Variants in FAM3C observed in about 807,000 individuals in gnomAD.
FAM3C encodes FAM3 metabolism regulating signaling molecule C.
In FAM3C, 15 loss-of-function variants were observed where a neutral mutation model predicts 32.5. The ratio of observed to expected loss-of-function variants is 0.46; its 90% confidence interval spans 0.31 to 0.71. FAM3C has a LOEUF of 0.71. FAM3C is among the 30% of genes least tolerant of loss of function. The pLI, the probability that FAM3C is intolerant of heterozygous loss-of-function variation, is 0.05. For missense variants in FAM3C, 175 were observed against 274.4 expected (o/e 0.64, Z 2.56); for synonymous variants, 75 against 86.1 (o/e 0.87, Z 0.72).
chr7:121,372,747 T>A, intron 3 of FAM3C, among the ~76,000 whole-genome samples: 1 of 152,174 alleles, frequency 6.6e-6, no homozygotes, highest in East Asian at 1.9e-4. Context: ...TAACATCTGA[T>A]CCCAGCCCAG....
chr7:121,367,318 G>T (rs1302587611), intron 5 of FAM3C, among the ~76,000 whole-genome samples: 1 of 152,132 alleles, frequency 6.6e-6, no homozygotes. Context: ...CTCTTAAGAT[G>T]GTTAGTTTAA....
At chr7:121,375,141 T>C (rs1389383201) in intron 3 of FAM3C, among the ~76,000 whole-genome samples, 2 of 151,968 alleles carry the variant, frequency 1.3e-5, no homozygotes, top group African/African-American at 4.8e-5. Flanking sequence ...TTAAAATCAG[T>C]GCCAAATTGA....
intron 8 of FAM3C, among the ~76,000 whole-genome samples, chr7:121,351,777 C>T (rs1373997905): frequency 1.3e-5 from 2 of 152,082 alleles, no homozygotes; most frequent in Non-Finnish European, 2.9e-5. Flanking sequence ...ATAAATTGTA[C>T]TTCAGTGATA....
At chr7:121,394,975 G>A (rs2896303) in intron 1 of FAM3C, among the ~76,000 whole-genome samples, 2,489 of 152,248 alleles carry the variant, frequency 0.016, 77 homozygotes, top group African/African-American at 0.057. Flanking sequence ...AGTCCAAGGG[G>A]TCGGGGCCTC....
At chr7:121,376,868 G>T (rs1466819249) in intron 3 of FAM3C, among the ~76,000 whole-genome samples, 1 of 151,974 alleles carries the variant, frequency 6.6e-6, no homozygotes, top group Non-Finnish European at 1.5e-5. Flanking sequence ...AGAATCTCAG[G>T]CCCCACTCCA....
At chr7:121,354,488 A>G (rs1045263820) in intron 8 of FAM3C, among the ~76,000 whole-genome samples, 1 of 152,214 alleles carries the variant, frequency 6.6e-6, no homozygotes, top group Non-Finnish European at 1.5e-5. Flanking sequence ...GGAACTGGAC[A>G]CAGGAATCTG....
intron 5 of FAM3C, among the ~76,000 whole-genome samples, chr7:121,368,875 C>T (rs1342533185): frequency 6.6e-6 from 1 of 151,866 alleles, no homozygotes; most frequent in Non-Finnish European, 1.5e-5. Flanking sequence ...AAAAGTTAGA[C>T]ACCTCTTTCC....
chr7:121,362,120 T>C (rs1043765824), intron 7 of FAM3C, among the ~76,000 whole-genome samples: 4 of 152,184 alleles, frequency 2.6e-5, no homozygotes, highest in Non-Finnish European at 5.9e-5. Context: ...GAGATCCTCA[T>C]ACTGATCAAT....
At chr7:121,363,667 G>GA (rs762364696) in intron 6 of FAM3C, among the ~76,000 whole-genome samples, 2 of 152,224 alleles carry the variant, frequency 1.3e-5, no homozygotes, top group East Asian at 3.9e-4. Flanking sequence ...GATTTTGAAG[G>GA]AAAATTTGAG....
intron 5 of FAM3C, among the ~76,000 whole-genome samples, chr7:121,366,349 G>A (rs982722432): frequency 2.6e-5 from 4 of 152,022 alleles, no homozygotes; most frequent in Non-Finnish European, 5.9e-5. Context: ...ATGGAATATC[G>A]TTCAGACATA....
intron 1 of FAM3C, among the ~76,000 whole-genome samples, chr7:121,386,437 C>G (rs1794465164): frequency 6.6e-6 from 1 of 151,890 alleles, no homozygotes; most frequent in African/African-American, 2.4e-5. Context: ...TGAGACAATG[C>G]CTTCAGACTC....
intron 4 of FAM3C, 66 bp downstream of exon 4, chr7:121,372,044 A>T: frequency 5.1e-6 from 6 of 1,185,342 alleles, no homozygotes; most frequent in Non-Finnish European, 7.3e-6. Flanking sequence ...TGACACTTTG[A>T]ATATAAGCTC....
chr7:121,351,297 A>AT (rs1365997151), intron 8 of FAM3C, 28 bp from the exon 9 acceptor site: 1 of 1,607,044 alleles, frequency 6.2e-7, no homozygotes, highest in South Asian at 1.1e-5. Flanking sequence ...AGAATACAAC[A>AT]ATAAACAGAG....
At chr7:121,379,337 T>C (rs535254295) in intron 2 of FAM3C, among the ~76,000 whole-genome samples, 2 of 152,080 alleles carry the variant, frequency 1.3e-5, no homozygotes, top group East Asian at 3.9e-4. Context: ...CCACCAAGTT[T>C]GTTGAATGGC....
intron 5 of FAM3C, among the ~76,000 whole-genome samples, chr7:121,369,703 A>G (rs1021198465): frequency 6.6e-6 from 1 of 152,208 alleles, no homozygotes; most frequent in Non-Finnish European, 1.5e-5. Flanking sequence ...TGAGGGATAG[A>G]GAACAGCTTC....
At chr7:121,388,663 G>A (rs1407640506) in intron 1 of FAM3C, among the ~76,000 whole-genome samples, 2 of 152,068 alleles carry the variant, frequency 1.3e-5, no homozygotes, top group Non-Finnish European at 2.9e-5. Context: ...TCTATGCCTA[G>A]ATTTTTGACA....
Position 121,393,147 on chromosome 7 carries a change from T to C in FAM3C, c.-42+3015A>G, listed in dbSNP as rs143714008. On this transcript the variant is annotated intron_variant, in intron 1 of 9. Coordinates refer to ENST00000359943, the MANE Select transcript of FAM3C (RefSeq NM_014888.3). The stretch of plus-strand genomic sequence containing the variant: ...ACGGTTCATAACATCATGAACGTGC[T>C]AAATGCCACACTTTAAAATGGAAAA... Among the ~76,000 whole-genome samples the C allele has an allele frequency of 7.3e-3, 1,119 of 152,272 alleles. 15 individuals are homozygous for C. The highest frequency in any genetic ancestry group is 0.025 in the African/African-American group (1,054 of 41,542).
rs550816569 is a variant in FAM3C at position 121,395,749 on chromosome 7, G to A, written c.-42+413C>T. On this transcript the variant is annotated intron_variant, in intron 1 of 9. Coordinates refer to ENST00000359943, the MANE Select transcript of FAM3C (RefSeq NM_014888.3). ...GTCAAAACGGCCCCCTATGGAGTTGGAATGCAACACCCAACTCCGTCCCCA... is the reference window on the plus strand; with the variant it reads ...GTCAAAACGGCCCCCTATGGAGTTGAAATGCAACACCCAACTCCGTCCCCA... Among the ~76,000 whole-genome samples the A allele has an allele frequency of 5.3e-5, 8 of 152,252 alleles. No homozygotes were observed. In the East Asian group the frequency reaches 1.6e-3, roughly 30 times the overall value.
At chr7:121,380,616 A>G (rs1794330100) in intron 2 of FAM3C, among the ~76,000 whole-genome samples, 1 of 151,916 alleles carries the variant, frequency 6.6e-6, no homozygotes, top group African/African-American at 2.4e-5. Context: ...TACTACCTGG[A>G]TGATGAAATA....
Sources: allele counts gnomAD v4.1 joint callset (sites outside exome capture counted in the v4.1 genomes callset), GRCh38; gene constraint gnomAD v4.1.1; transcripts MANE v1.5; gene names NCBI Gene and HGNC (gene_info 2026-07-23, HGNC 2026-07-21).